Variants in EYS observed in about 807,000 individuals in gnomAD.
The protein encoded by EYS is EGF-like photoreceptor maintenance factor.
EYS carries 250 observed loss-of-function variants against 282.1 expected under a neutral mutation model. The observed-to-expected ratio is 0.89, with a 90% CI of 0.80 to 0.98. The LOEUF (loss-of-function observed/expected upper bound fraction) is 0.98, where lower values mean the gene tolerates loss of function less well. Ranked by LOEUF, EYS falls within the 50% of genes least tolerant of loss-of-function variation. EYS has a pLI of 0.00. For synonymous variants in EYS, 1,355 were observed against 1,282.9 expected, an observed-to-expected ratio of 1.06 and a Z score of -1.20; for missense variants, 4,016 against 3,709.0, an observed-to-expected ratio of 1.08 and a Z score of -2.15.
intron 33 of EYS, among the ~76,000 whole-genome samples, chr6:64,050,998 G>T (rs528346898): frequency 4.4e-4 from 67 of 152,226 alleles, no homozygotes; most frequent in Non-Finnish European, 3.1e-4. Flanking sequence ...ATTATAAGGG[G>T]AATACTGAAT....
intron 2 of EYS, among the ~76,000 whole-genome samples, chr6:65,536,826 A>G (rs936532558): frequency 2.6e-5 from 4 of 152,180 alleles, no homozygotes; most frequent in African/African-American, 4.8e-5. Flanking sequence ...TCAGGTTGTT[A>G]AACGTCTCTA....
intron 31 of EYS, among the ~76,000 whole-genome samples, chr6:64,175,129 A>G (rs996397396): frequency 5.9e-5 from 9 of 152,172 alleles, no homozygotes; most frequent in African/African-American, 1.7e-4. Flanking sequence ...TTATTCCTGA[A>G]TAAGTATCTT....
intron 29 of EYS, among the ~76,000 whole-genome samples, chr6:64,337,158 C>T (rs1365866200): frequency 1.3e-5 from 2 of 151,644 alleles, no homozygotes; most frequent in African/African-American, 4.8e-5. Flanking sequence ...GAAACAACAA[C>T]AACAAAAATA....
At chr6:65,507,006 TTTTATC>T (rs1766685426) in intron 2 of EYS, among the ~76,000 whole-genome samples, 1 of 152,108 alleles carries the variant, frequency 6.6e-6, no homozygotes, top group Admixed American at 6.6e-5. Flanking sequence ...AGGCATTTTG[TTTTATC>T]TTTATTTATT....
chr6:64,921,008 A>T (rs1768329649), intron 15 of EYS, among the ~76,000 whole-genome samples: 1 of 152,144 alleles, frequency 6.6e-6, no homozygotes, highest in African/African-American at 2.4e-5. Flanking sequence ...CAAAAGCCAA[A>T]GGATTTTTAT....
chr6:64,121,743 T>C (rs1267831584), intron 31 of EYS, among the ~76,000 whole-genome samples: 1 of 152,158 alleles, frequency 6.6e-6, no homozygotes, highest in East Asian at 1.9e-4. Flanking sequence ...GAAATTACCC[T>C]TCTTAAAGTA....
intron 8 of EYS, among the ~76,000 whole-genome samples, chr6:65,358,392 G>C (rs1316810056): frequency 6.6e-6 from 1 of 151,896 alleles, no homozygotes; most frequent in Non-Finnish European, 1.5e-5. Context: ...CAACTTAACT[G>C]TTTGCCTGGG....
chr6:63,943,983 T>C (rs1421252889), intron 35 of EYS, among the ~76,000 whole-genome samples: 6 of 152,200 alleles, frequency 3.9e-5, no homozygotes, highest in Admixed American at 3.3e-4. Flanking sequence ...ACCATCTAGT[T>C]GGAATGCCAA....
At chr6:64,436,153 G>T (rs1359122827) in intron 28 of EYS, 21 bp downstream of exon 28, 1 of 1,400,114 alleles carries the variant, frequency 7.1e-7, no homozygotes, top group Non-Finnish European at 9.7e-7. Flanking sequence ...AGATTAACTG[G>T]AAAAGAAATA....
chr6:63,950,587 C>G (rs373507549), intron 35 of EYS, among the ~76,000 whole-genome samples: 2 of 152,100 alleles, frequency 1.3e-5, no homozygotes, highest in Non-Finnish European at 2.9e-5. Context: ...CATGGACGCG[C>G]GTGACATTTG....
chr6:64,112,619 C>T (rs966480521), intron 31 of EYS, among the ~76,000 whole-genome samples: 1 of 151,606 alleles, frequency 6.6e-6, no homozygotes, highest in Non-Finnish European at 1.5e-5. Context: ...GCTTTTTATA[C>T]ACTAGTCTTT....
chr6:63,869,475 T>C (rs1385803960), intron 35 of EYS, among the ~76,000 whole-genome samples: 3 of 152,170 alleles, frequency 2.0e-5, no homozygotes, highest in African/African-American at 7.2e-5. Context: ...CAGGATCTCC[T>C]TTCCAGAAAG....
intron 36 of EYS, among the ~76,000 whole-genome samples, chr6:63,831,166 C>A (rs1425346129): frequency 2.0e-5 from 3 of 152,094 alleles, no homozygotes; most frequent in Admixed American, 6.5e-5. Context: ...AACTAATGGG[C>A]AAAATAACCA....
chr6:65,632,803 A>C (rs1372639409), intron 2 of EYS, among the ~76,000 whole-genome samples: 1 of 152,342 alleles, frequency 6.6e-6, no homozygotes, highest in Non-Finnish European at 1.5e-5. Context: ...AGATTATCTT[A>C]TGATACCTAG....
chr6:65,143,912 A>C (rs1351613590), intron 12 of EYS, among the ~76,000 whole-genome samples: 2 of 152,100 alleles, frequency 1.3e-5, no homozygotes, highest in Non-Finnish European at 2.9e-5. Flanking sequence ...ATTAAGTAGA[A>C]AATTCTTTTC....
chr6:64,198,144 C>T lies in EYS; in HGVS notation c.6424+32448G>A, dbSNP rs567462201. Among the ~76,000 whole-genome samples the T allele has an allele frequency of 6.0e-5, 9 of 151,160 alleles. No individual in the cohort carries two copies. In the East Asian group the frequency reaches 1.4e-3, roughly 23 times the overall value. ...AGTAGCCGGGACTACAGGCGCCCGC[C>T]ACCACGGCCGGCCCGGCTAATTTTT... On this transcript the variant is annotated intron_variant, in intron 31 of 42. Transcript: ENST00000503581.
chr6:63,878,782 C>T (rs764681063), intron 35 of EYS, among the ~76,000 whole-genome samples: 2 of 152,132 alleles, frequency 1.3e-5, no homozygotes, highest in Non-Finnish European at 2.9e-5. Context: ...GAGCCAGGCA[C>T]GGGATATAAT....
intron 5 of EYS, among the ~76,000 whole-genome samples, chr6:65,463,483 A>G (rs1764890221): frequency 6.6e-6 from 1 of 152,148 alleles, no homozygotes; most frequent in South Asian, 2.1e-4. Flanking sequence ...TCATATATTA[A>G]CATAAAATTA....
At chr6:65,146,124 C>T (rs1441686584) in intron 12 of EYS, among the ~76,000 whole-genome samples, 1 of 151,340 alleles carries the variant, frequency 6.6e-6, no homozygotes, top group East Asian at 1.9e-4. Context: ...GTAAATATAG[C>T]ACTATTTTGT....
Sources: gnomAD v4.1 joint callset for allele counts (sites outside exome capture counted in the v4.1 genomes callset) on GRCh38, gnomAD v4.1.1 for gene constraint, MANE v1.5 for transcripts, NCBI Gene and HGNC (gene_info 2026-07-23, HGNC 2026-07-21) for gene names.